KIAA0513: variants seen among roughly 807,000 people sequenced by gnomAD.
KIAA0513 encodes the protein KIAA0513, also known as uncharacterized protein KIAA0513.
Under a neutral mutation model 56.5 loss-of-function variants are expected in KIAA0513, and 39 were observed. That is an observed-to-expected ratio of 0.69 (90% confidence interval 0.53 to 0.90). The LOEUF (loss-of-function observed/expected upper bound fraction) is 0.90. Ranked by LOEUF, KIAA0513 falls within the 40% of genes least tolerant of loss-of-function variation. The pLI, the probability that KIAA0513 is intolerant of heterozygous loss-of-function variation, is 0.00. For missense variants in KIAA0513, 591 were observed against 535.2 expected, an observed-to-expected ratio of 1.10 and a Z score of -1.03; for synonymous variants, 268 against 215.6, an observed-to-expected ratio of 1.24 and a Z score of -2.13.
intron 1 of KIAA0513, among the ~76,000 whole-genome samples, chr16:85,062,575 G>A (rs984357992): frequency 6.6e-6 from 1 of 152,176 alleles, no homozygotes; most frequent in South Asian, 2.1e-4. Context: ...GTACCTCCTT[G>A]AATGTAGAAC....
At position 85,076,690 on chromosome 16, in the gene KIAA0513, C is replaced by T. The variant is rs2144062633; in HGVS notation, c.575-735C>T. Among the ~76,000 whole-genome samples, 1 of 152,320 alleles carries T rather than the reference C, an allele frequency of 6.6e-6. No individual in the cohort carries two copies. The highest frequency in any genetic ancestry group is 1.9e-4 in the East Asian group (1 of 5,170). On this transcript the variant is annotated intron_variant, in intron 5 of 12. Coordinates refer to ENST00000683363, the MANE Select transcript of KIAA0513 (RefSeq NM_001388359.1). This position sits in a 1 kb window ranked among gnomAD's most constrained non-coding sequence, Gnocchi z 4.7. ...CCCCTCAGTTCAGTTGGTCCAACTGCCATGGCTGGTGTCCCAGCCTCACCA... is the reference window on the plus strand; with the variant it reads ...CCCCTCAGTTCAGTTGGTCCAACTGTCATGGCTGGTGTCCCAGCCTCACCA...
chr16:85,072,996 C>T lies in KIAA0513; in HGVS notation c.501C>T (p.Phe167=). 16 of 1,613,466 alleles carry T rather than the reference C, an allele frequency of 9.9e-6. No homozygotes were observed. The highest frequency in any genetic ancestry group is 2.2e-5 in the East Asian group (1 of 44,890). ...RLVQSFAVVL[F]ECHQMDDFGP... is the part of the protein sequence containing the mutation. The stretch of plus-strand genomic sequence containing the variant: ...TGCAGTCTTTTGCAGTGGTGCTGTT[C>T]GAGTAAGTAATGCCGTGGCACAAAG... Residue 167 remains phenylalanine (F), a splice_region_variant and synonymous_variant, in exon 4 of 13, where the codon TTC becomes TTT. Coordinates refer to ENST00000683363, the MANE Select transcript of KIAA0513 (RefSeq NM_001388359.1).
intron 4 of KIAA0513, among the ~76,000 whole-genome samples, chr16:85,074,009 G>C (rs2073618773): frequency 6.6e-6 from 1 of 151,454 alleles, no homozygotes; most frequent in Non-Finnish European, 1.5e-5. Flanking sequence ...ACAGGGTCTT[G>C]CTCTGTCACC....
rs1567551892 is a variant in KIAA0513 at position 85,091,485 on chromosome 16, C to CA, written c.*3166dup. 6.6e-6 allele frequency: 1 copy of CA among 151,970 alleles called. No individual in the cohort carries two copies. The highest frequency in any genetic ancestry group is 1.5e-5 in the Non-Finnish European group (1 of 67,990). 9.4% of individuals were successfully genotyped at this position (151,970 alleles called of 1,614,324 possible). ...GGGGGCCAAACAGCTCTGAAATTTC[C>CA]AAAAAATGGCTAGAGGGAGAGTCCA... On this transcript the variant is annotated 3_prime_UTR_variant, in exon 13 of 13. Transcript: ENST00000683363.
intron 8 of KIAA0513, among the ~76,000 whole-genome samples, chr16:85,080,513 G>T (rs2073728000): frequency 6.6e-6 from 1 of 152,188 alleles, no homozygotes; most frequent in African/African-American, 2.4e-5. Context: ...GAATTTTTCT[G>T]CTGGGCACAG....
chr16:85,082,122 G>A, intron 9 of KIAA0513, among the ~76,000 whole-genome samples: 1 of 149,768 alleles, frequency 6.7e-6, no homozygotes, highest in East Asian at 1.9e-4. Context: ...TCAGGAGAGT[G>A]GGCAGATGGC....
chr16:85,068,857 A>T (rs1223316884), intron 2 of KIAA0513, among the ~76,000 whole-genome samples: 1 of 152,118 alleles, frequency 6.6e-6, no homozygotes, highest in Non-Finnish European at 1.5e-5. Flanking sequence ...GCTAAACACA[A>T]GGGGCACTTG....
At position 85,067,135 on chromosome 16, in the gene KIAA0513, T is replaced by G. The variant is rs1175066580; in HGVS notation, c.64T>G (p.Ser22Ala). The G allele has an allele frequency of 6.2e-7, 1 of 1,613,188 alleles. No homozygotes were observed. The highest frequency in any genetic ancestry group is 1.7e-5 in the Admixed American group (1 of 59,948). The change falls in exon 2 of 13, where the codon TCT (serine) becomes GCT (alanine). Residue 22 changes from serine to alanine, a missense_variant. By Grantham distance (99) the Ser-to-Ala change is moderately conservative. Coordinates refer to ENST00000683363, the MANE Select transcript of KIAA0513 (RefSeq NM_001388359.1). The part of the protein sequence containing the change: ...IDFGPEAPTS[S>A]PLEAPPPVLQ... Reference sequence around the variant, plus strand: ...CTTTGGGCCTGAGGCACCCACCTCTTCTCCCCTGGAGGCACCACCCCCTGT... The same window carrying G: ...CTTTGGGCCTGAGGCACCCACCTCTGCTCCCCTGGAGGCACCACCCCCTGT...
intron 10 of KIAA0513, among the ~76,000 whole-genome samples, chr16:85,085,335 T>G (rs2073796127): frequency 6.6e-6 from 1 of 152,256 alleles, no homozygotes; most frequent in African/African-American, 2.4e-5. Context: ...CCTGCTAAGC[T>G]GCAGCAGTGC....
rs1491199292 is a variant in KIAA0513, at chr16:85,091,938, A to ACTTT, written c.*3613_*3614insCTTT. 7.7e-6 allele frequency: 1 copy of ACTTT among 129,382 alleles called. No individual in the cohort carries two copies. The highest frequency in any genetic ancestry group is 3.0e-5 in the African/African-American group (1 of 33,842). The allele number at this position is 129,382 out of a possible 1,614,324, so 8.0% of individuals were successfully genotyped here. On this transcript the variant is annotated 3_prime_UTR_variant, in exon 13 of 13. Coordinates refer to ENST00000683363, the MANE Select transcript of KIAA0513 (RefSeq NM_001388359.1). ...TTCCTGGGTCCCACTATCTGTTGGCATTTTTTTTTTTTTTTTTTTTTTAGA... is the reference window on the plus strand; with the variant it reads ...TTCCTGGGTCCCACTATCTGTTGGCACTTTTTTTTTTTTTTTTTTTTTTTTTAGA...
intron 1 of KIAA0513, among the ~76,000 whole-genome samples, chr16:85,065,737 G>A (rs1324166781): frequency 6.6e-6 from 1 of 152,218 alleles, no homozygotes; most frequent in Non-Finnish European, 1.5e-5. Context: ...GGTTAGAGGT[G>A]TGCTCTGCTC....
intron 1 of KIAA0513, among the ~76,000 whole-genome samples, chr16:85,054,074 C>T (rs1231148578): frequency 6.6e-6 from 1 of 150,750 alleles, no homozygotes; most frequent in Non-Finnish European, 1.5e-5. Flanking sequence ...GTGGGAGGAT[C>T]ACTTGAGCCC....
intron 1 of KIAA0513, among the ~76,000 whole-genome samples, chr16:85,062,312 T>G (rs967514155): frequency 7.2e-5 from 11 of 152,174 alleles, no homozygotes; most frequent in African/African-American, 1.9e-4. Flanking sequence ...TCAGTACATG[T>G]GTGAAGAATG....
intron 2 of KIAA0513, among the ~76,000 whole-genome samples, chr16:85,068,956 G>T (rs1299719986): frequency 1.3e-5 from 2 of 152,158 alleles, no homozygotes; most frequent in Non-Finnish European, 2.9e-5. Context: ...AGGTTGCAAT[G>T]ATTCACTGAA....
rs2073493348 is a variant in KIAA0513, at chr16:85,067,065, C to T, written c.-7C>T. On this transcript the variant is annotated 5_prime_UTR_variant, in exon 2 of 13. Coordinates refer to ENST00000683363, the MANE Select transcript of KIAA0513 (RefSeq NM_001388359.1). Reference sequence around the variant, plus strand: ...CCAGGCAGCCTCACCAGCAGCTCCCCTGAGCCATGGAGACCCCAGAGGTCC... The same window carrying T: ...CCAGGCAGCCTCACCAGCAGCTCCCTTGAGCCATGGAGACCCCAGAGGTCC... The T allele has an allele frequency of 6.4e-7, 1 of 1,552,206 alleles. No individual in the cohort carries two copies. The highest frequency in any genetic ancestry group is 8.7e-7 in the Non-Finnish European group (1 of 1,147,688).
chr16:85,063,010 C>T (rs757814563), intron 1 of KIAA0513, among the ~76,000 whole-genome samples: 2 of 152,176 alleles, frequency 1.3e-5, no homozygotes, highest in African/African-American at 2.4e-5. Context: ...AGCTGAGATC[C>T]CTGAGCTGAG....
At chr16:85,053,132 G>A (rs1032673526) in intron 1 of KIAA0513, among the ~76,000 whole-genome samples, 1 of 152,038 alleles carries the variant, frequency 6.6e-6, no homozygotes, top group Non-Finnish European at 1.5e-5. Flanking sequence ...CAGGTGATCC[G>A]CCCACTTCAG....
chr16:85,049,974 T>G (rs1241627547), intron 1 of KIAA0513, among the ~76,000 whole-genome samples: 1 of 152,222 alleles, frequency 6.6e-6, no homozygotes, highest in Non-Finnish European at 1.5e-5. Flanking sequence ...CTGTCCGAGT[T>G]GAATTCAGCT....
chr16:85,079,283 C>T, intron 8 of KIAA0513: 1 of 487,988 alleles, frequency 2.0e-6, no homozygotes, highest in East Asian at 3.5e-5. Flanking sequence ...TGTGACCCAG[C>T]AGCTCCACTC....
Sources: gnomAD v4.1 joint callset for allele counts (sites outside exome capture counted in the v4.1 genomes callset) on GRCh38, gnomAD v4.1.1 for gene constraint, Gnocchi (gnomAD v3.1) non-coding constraint, MANE v1.5 for transcripts, NCBI Gene and HGNC (gene_info 2026-07-23, HGNC 2026-07-21) for gene names.